Variants in DOCK7 observed in about 807,000 individuals in gnomAD.
DOCK7 encodes dedicator of cytokinesis 7.
DOCK7 carries 138 observed loss-of-function variants against 271.0 expected under a neutral mutation model. The observed-to-expected ratio is 0.51, with a 90% CI of 0.44 to 0.59. DOCK7 has a LOEUF of 0.59. Among genes scored for constraint, DOCK7 ranks in the 20% least tolerant of loss-of-function variants. The probability of loss-of-function intolerance (pLI) is 0.00; values close to 1 mark genes in which losing one functional copy is unlikely to be tolerated. For missense variants in DOCK7, 2,066 were observed against 2,592.4 expected (o/e 0.80, Z 4.41); for synonymous variants, 823 against 876.1 (o/e 0.94, Z 1.07).
At chr1:62,581,739 G>C (rs1647129103) in intron 16 of DOCK7, among the ~76,000 whole-genome samples, 1 of 149,788 alleles carries the variant, frequency 6.7e-6, no homozygotes, top group East Asian at 1.9e-4. Flanking sequence ...ACGGGAAAAA[G>C]AATACTACAG....
At chr1:62,622,104 T>C (rs1368689320) in intron 12 of DOCK7, among the ~76,000 whole-genome samples, 1 of 152,214 alleles carries the variant, frequency 6.6e-6, no homozygotes, top group African/African-American at 2.4e-5. Context: ...CTCTCTCTCT[T>C]GAACTTTTGT....
intron 48 of DOCK7, among the ~76,000 whole-genome samples, chr1:62,462,895 T>G: frequency 6.6e-6 from 1 of 151,016 alleles, no homozygotes; most frequent in Non-Finnish European, 1.5e-5. Flanking sequence ...GCAGGCACAT[T>G]TTTTTAAAGT....
intron 20 of DOCK7, 96 bp from the exon 21 acceptor site, chr1:62,556,085 G>T: frequency 8.3e-7 from 1 of 1,205,192 alleles, no homozygotes; most frequent in Non-Finnish European, 1.2e-6. Flanking sequence ...CATACTTTAA[G>T]TATAGTGACT....
chr1:62,545,130 T>C (rs1645660662), intron 22 of DOCK7, 91 bp from the exon 23 acceptor site: 1 of 1,232,866 alleles, frequency 8.1e-7, no homozygotes, highest in African/African-American at 1.5e-5. Flanking sequence ...GATCTTCTAA[T>C]GCAAACATGT....
chr1:62,666,197 A>G (rs559242118), intron 1 of DOCK7, among the ~76,000 whole-genome samples: 1 of 152,200 alleles, frequency 6.6e-6, no homozygotes, highest in South Asian at 2.1e-4. Flanking sequence ...AAAAATCACT[A>G]ATTGTTAAGA....
intron 22 of DOCK7, among the ~76,000 whole-genome samples, chr1:62,548,208 T>C (rs1253929717): frequency 6.7e-6 from 1 of 149,660 alleles, no homozygotes; most frequent in East Asian, 1.9e-4. Flanking sequence ...AGGTAGTAAA[T>C]GTCAGACAAA....
chr1:62,558,155 T>C (rs1646208123), intron 20 of DOCK7, among the ~76,000 whole-genome samples: 1 of 152,166 alleles, frequency 6.6e-6, no homozygotes, highest in South Asian at 2.1e-4. Context: ...TTATAACTAA[T>C]TACTTAAAAT....
At chr1:62,459,872 G>A (rs1645462329) in intron 48 of DOCK7, among the ~76,000 whole-genome samples, 1 of 152,058 alleles carries the variant, frequency 6.6e-6, no homozygotes, top group South Asian at 2.1e-4. Flanking sequence ...GGCCAAGGCG[G>A]GCGGATCATG....
At chr1:62,661,297 T>A (rs1658634710) in intron 2 of DOCK7, among the ~76,000 whole-genome samples, 1 of 152,106 alleles carries the variant, frequency 6.6e-6, no homozygotes, top group South Asian at 2.1e-4. Flanking sequence ...AGTTATTGTT[T>A]AATGGGTACA....
intron 48 of DOCK7, among the ~76,000 whole-genome samples, chr1:62,465,771 T>C (rs1645659102): frequency 6.6e-6 from 1 of 152,156 alleles, no homozygotes; most frequent in African/African-American, 2.4e-5. Flanking sequence ...AGGCTGGTCT[T>C]GAACTCCTGA....
At chr1:62,479,617 AT>A in intron 43 of DOCK7, 1 of 156,060 alleles carries the variant, frequency 6.4e-6, no homozygotes, top group South Asian at 1.9e-4. Context: ...AAAATTTGTC[AT>A]TTTTTTCAAA....
chr1:62,502,574 C>T (rs1646814846), intron 37 of DOCK7, among the ~76,000 whole-genome samples: 1 of 152,184 alleles, frequency 6.6e-6, no homozygotes, highest in Non-Finnish European at 1.5e-5. Context: ...CGAATTTTCA[C>T]TCCCTTGGTG....
chr1:62,604,920 T>TA, intron 14 of DOCK7: 3 of 1,248,756 alleles, frequency 2.4e-6, no homozygotes, highest in South Asian at 2.6e-5. Context: ...GCTTGAGAAA[T>TA]AGATTTTTTT....
At chr1:62,618,928 T>G (rs928471412) in intron 13 of DOCK7, 60 bp from the exon 14 acceptor site, 176 of 1,483,610 alleles carry the variant, frequency 1.2e-4, no homozygotes, top group Non-Finnish European at 1.5e-4. Context: ...GTTAAACATG[T>G]TTTTTAAAGG....
chr1:62,524,953 A>ATATATATATATATATATATATATG (rs1325570197), intron 31 of DOCK7, among the ~76,000 whole-genome samples: 1 of 119,416 alleles, frequency 8.4e-6, no homozygotes, highest in Admixed American at 9.0e-5. Flanking sequence ...ATATATATAT[A>ATATATATATATATATATATATATG]TATTACTATA....
intron 41 of DOCK7, among the ~76,000 whole-genome samples, chr1:62,489,721 T>C (rs1248543215): frequency 6.6e-6 from 1 of 152,244 alleles, no homozygotes; most frequent in Non-Finnish European, 1.5e-5. Flanking sequence ...TTAATGTGTG[T>C]ATGTGTACTT....
At chr1:62,492,503 G>C in intron 41 of DOCK7, 1 of 551,728 alleles carries the variant, frequency 1.8e-6, no homozygotes, top group Non-Finnish European at 3.1e-6. Context: ...CCCCATGCTG[G>C]TCTTGAACTC....
At chr1:62,515,812 G>A (rs1644645088) in intron 31 of DOCK7, among the ~76,000 whole-genome samples, 1 of 152,220 alleles carries the variant, frequency 6.6e-6, no homozygotes, top group Non-Finnish European at 1.5e-5. Flanking sequence ...AGATGAATGT[G>A]TTCTGCCAGA....
At chr1:62,647,877 A>T in intron 6 of DOCK7, 101 bp from the exon 7 acceptor site, 1 of 935,912 alleles carries the variant, frequency 1.1e-6, no homozygotes, top group Non-Finnish European at 1.7e-6. Flanking sequence ...TTTAGTCTTC[A>T]CAATAGAACA....
Sources: allele counts gnomAD v4.1 joint callset (sites outside exome capture counted in the v4.1 genomes callset), GRCh38; gene constraint gnomAD v4.1.1; transcripts MANE v1.5; gene names NCBI Gene and HGNC (gene_info 2026-07-23, HGNC 2026-07-21).